The following PRH1 variants were observed in gnomAD, a reference collection of about 807,000 sequenced individuals.
PRH1 encodes salivary acidic proline-rich phosphoprotein 1/2.
PRH1 carries 7 observed loss-of-function variants against 7.9 expected under a neutral mutation model. That is an observed-to-expected ratio of 0.89 (90% CI 0.50 to 1.67). The LOEUF (loss-of-function observed/expected upper bound fraction) is 1.67, where lower values mean the gene tolerates loss of function less well. Among genes scored for constraint, PRH1 ranks in the 40% most tolerant of loss-of-function variants. PRH1 has a pLI of 0.00. For synonymous variants in PRH1, 45 were observed against 80.8 expected (o/e 0.56, Z 2.38); for missense variants, 109 against 223.6 (o/e 0.49, Z 3.27).
chr12:11,063,549 T>TA lies in PRH1; in HGVS notation n.124-16362dup, dbSNP rs199881531. The stretch of plus-strand genomic sequence containing the variant: ...ACAGAGCCATCCACCAAACCCAGCT[T>TA]AAAAAAAATGAAATCCAACAACATG... On this transcript the variant is annotated intron_variant and non_coding_transcript_variant, in intron 1 of 4. Transcript: ENST00000541977. 8.1e-3 allele frequency among the ~76,000 whole-genome samples: 1,237 copies of TA among 151,870 alleles called. 6 individuals carry two copies. The highest frequency in any genetic ancestry group is 0.017 in the Middle Eastern group (5 of 294).
chr12:10,908,850 A>C (rs752111217), intron 2 of PRH1: 2 of 1,613,396 alleles, frequency 1.2e-6, no homozygotes, highest in South Asian at 2.2e-5. Flanking sequence ...TTTTATATGC[A>C]TGTTTATTTG....
chr12:10,990,997 G>T (rs1314161979), intron 1 of PRH1, among the ~76,000 whole-genome samples: 1 of 152,194 alleles, frequency 6.6e-6, no homozygotes, highest in Non-Finnish European at 1.5e-5. Context: ...ATTTGGACAT[G>T]TTAGTTCAAG....
Position 10,973,500 on chromosome 12 carries a change from C to T in PRH1, c.-59+155G>A, listed in dbSNP as rs116658550. 275 of 509,474 alleles carry T rather than the reference C, an allele frequency of 5.4e-4. 1 individual carries two copies. The highest frequency in any genetic ancestry group is 4.5e-3 in the African/African-American group (232 of 51,180). The allele number at this position is 509,474 out of a possible 1,614,324, so 31.6% of individuals were successfully genotyped here. ...AGCCTTAGGATAGCCATCTGTAAAA[C>T]GCACACAATAACAATACCCTCCTTG... On this transcript the variant is annotated intron_variant, in intron 2 of 3. Coordinates refer to the PRH1 transcript ENST00000539853.
intron 1 of PRH1, among the ~76,000 whole-genome samples, chr12:11,102,872 G>A (rs937811285): frequency 5.3e-5 from 8 of 152,188 alleles, no homozygotes; most frequent in Non-Finnish European, 7.3e-5. Context: ...CCATCAACAA[G>A]TGGGTGAAGG....
intron 1 of PRH1, among the ~76,000 whole-genome samples, chr12:11,022,990 T>C (rs534381587): frequency 4.6e-5 from 7 of 152,282 alleles, no homozygotes; most frequent in African/African-American, 9.6e-5. Flanking sequence ...CATAGGGAAA[T>C]TGTAAAACCC....
At chr12:11,002,920 C>G (rs1940660770) in intron 1 of PRH1, among the ~76,000 whole-genome samples, 1 of 151,944 alleles carries the variant, frequency 6.6e-6, no homozygotes, top group Non-Finnish European at 1.5e-5. Flanking sequence ...AAAAATTGTC[C>G]TATACACTTA....
chr12:10,966,296 G>A (rs754481021), intron 2 of PRH1, among the ~76,000 whole-genome samples: 1 of 152,002 alleles, frequency 6.6e-6, no homozygotes, highest in Non-Finnish European at 1.5e-5. Context: ...ATATAATCTT[G>A]CAGTATTTTC....
chr12:11,047,931 A>G (rs1367693539), upstream of PRH1, among the ~76,000 whole-genome samples: 2 of 152,276 alleles, frequency 1.3e-5, no homozygotes, highest in African/African-American at 4.8e-5. Context: ...AAGTACATAT[A>G]TGTGGTACAA....
intron 1 of PRH1, among the ~76,000 whole-genome samples, chr12:11,168,299 A>AGAAAGAAAGGAAGGAAG (rs1947679780): frequency 1.7e-4 from 1 of 5,862 alleles, no homozygotes; most frequent in African/African-American, 5.1e-4. Context: ...AAAGAAAGAA[A>AGAAAGAAAGGAAGGAAG]GAAGGAAGGA....
intron 2 of PRH1, among the ~76,000 whole-genome samples, chr12:10,945,710 G>A (rs1211516887): frequency 6.6e-6 from 1 of 152,124 alleles, no homozygotes; most frequent in Non-Finnish European, 1.5e-5. Context: ...AAATTTATTA[G>A]GCAGGAATTT....
intron 2 of PRH1, among the ~76,000 whole-genome samples, chr12:10,972,502 T>C (rs535847023): frequency 1.1e-3 from 170 of 152,332 alleles, no homozygotes; most frequent in Non-Finnish European, 2.1e-3. Context: ...ATTTTTTCTT[T>C]TGAAAAAATT....
At chr12:11,169,701 T>C (rs190119450) in intron 1 of PRH1, among the ~76,000 whole-genome samples, 1 of 152,300 alleles carries the variant, frequency 6.6e-6, no homozygotes, top group African/African-American at 2.4e-5. Flanking sequence ...GAGTAAATTA[T>C]ATGTGTGAAC....
chr12:10,946,751 C>T (rs908573463), intron 2 of PRH1, among the ~76,000 whole-genome samples: 2 of 152,064 alleles, frequency 1.3e-5, no homozygotes, highest in African/African-American at 2.4e-5. Flanking sequence ...TGAGGCCTTA[C>T]AAACTTTTTG....
chr12:11,129,256 G>A (rs796380714), intron 1 of PRH1, among the ~76,000 whole-genome samples: 22,417 of 127,378 alleles, frequency 0.18, no homozygotes, highest in East Asian at 0.45. Context: ...CTAGAGCTTC[G>A]GCTCATGTCC....
intron 1 of PRH1, among the ~76,000 whole-genome samples, chr12:11,012,488 G>A (rs1941109768): frequency 6.6e-6 from 1 of 152,126 alleles, no homozygotes; most frequent in Admixed American, 6.6e-5. Context: ...TTCAGTGCAG[G>A]CAGGAACCGA....
Position 11,168,213 on chromosome 12 carries a change from G to GAAGA in PRH1, n.39+3205_39+3208dup, listed in dbSNP as rs869102236. 4.1e-4 allele frequency among the ~76,000 whole-genome samples: 8 copies of GAAGA among 19,658 alleles called. 1 individual carries two copies. The highest frequency in any genetic ancestry group is 2.2e-3 in the South Asian group (1 of 452). 12.9% of individuals were successfully genotyped at this position (19,658 alleles called of 152,430 possible). Reference sequence around the variant, plus strand: ...CATGGCAAAAAACGAAAGAAAGAAAGAAGAAAGAAAGAAAGAAAGAAAGAA... The same window carrying GAAGA: ...CATGGCAAAAAACGAAAGAAAGAAAGAAGAAAGAAAGAAAGAAAGAAAGAAAGAA... On this transcript the variant is annotated intron_variant and non_coding_transcript_variant, in intron 1 of 1. Transcript: ENST00000541175.
At chr12:10,882,188 C>G (rs1226922362) in intron 3 of PRH1, 29 bp downstream of exon 3, 1 of 1,611,662 alleles carries the variant, frequency 6.2e-7, no homozygotes, top group Admixed American at 1.7e-5. Context: ...CAGTTGGAGC[C>G]TTTGATGGAT....
intron 1 of PRH1, among the ~76,000 whole-genome samples, chr12:10,995,541 C>T (rs1054554336): frequency 7.2e-5 from 11 of 152,056 alleles, no homozygotes; most frequent in African/African-American, 2.7e-4. Context: ...TATAATAAAA[C>T]ATATCTTTAA....
chr12:10,963,986 TAA>T (rs66912205), intron 2 of PRH1, among the ~76,000 whole-genome samples: 36,963 of 152,082 alleles, frequency 0.24, 4,530 homozygotes, highest in Non-Finnish European at 0.25. Context: ...TAATCACGTT[TAA>T]GCACACTATG....
Sources: gnomAD v4.1 joint callset for allele counts (sites outside exome capture counted in the v4.1 genomes callset) on GRCh38, gnomAD v4.1.1 for gene constraint, MANE v1.5 for transcripts, NCBI Gene and HGNC (gene_info 2026-07-23, HGNC 2026-07-21) for gene names.